SLC3A2: variants seen among roughly 807,000 people sequenced by gnomAD.
SLC3A2 encodes solute carrier family 3 member 2, also known as amino acid transporter heavy chain SLC3A2.
In SLC3A2, 32 loss-of-function variants were observed where a neutral mutation model predicts 48.5. The observed-to-expected ratio is 0.66, with a 90% CI of 0.50 to 0.89. The LOEUF (loss-of-function observed/expected upper bound fraction) is 0.89, where lower values mean the gene tolerates loss of function less well. Ranked by LOEUF, SLC3A2 falls within the 40% of genes least tolerant of loss-of-function variation. SLC3A2 has a pLI of 0.00. For synonymous variants in SLC3A2, 277 were observed against 288.8 expected, an observed-to-expected ratio of 0.96 and a Z score of 0.41; for missense variants, 587 against 680.7, an observed-to-expected ratio of 0.86 and a Z score of 1.53.
chr11:62,881,992 A>G lies in SLC3A2; in HGVS notation c.524A>G (p.Asp175Gly), dbSNP rs1329919503. The part of the protein sequence containing the change: ...KNQKDDVAQT[D>G]LLQIDPNFGS... ...CAGAAGGATGATGTCGCTCAGACTG[A>G]CTTGCTGCAGATCGACCCCAATTTT... The change falls in exon 2 of 9, where the codon GAC (aspartate) becomes GGC (glycine). Residue 175 changes from aspartate (D) to glycine (G), a missense_variant. By Grantham distance (94) the Asp-to-Gly change is moderately conservative. Around this residue, in one of 3 missense-constraint regions of SLC3A2, gnomAD observed 409 missense variants for 446.7 expected, o/e 0.92. Transcript: ENST00000338663. The surrounding 1 kb of genome is among the most constrained non-coding windows in gnomAD (Gnocchi z 4.0). 1 of 1,614,150 alleles carries G rather than the reference A, an allele frequency of 6.2e-7. No homozygotes were observed. The highest frequency in any genetic ancestry group is 1.3e-5 in the African/African-American group (1 of 75,022).
intron 1 of SLC3A2, among the ~76,000 whole-genome samples, chr11:62,866,506 G>T (rs1293392922): frequency 6.8e-6 from 1 of 147,194 alleles, no homozygotes; most frequent in East Asian, 2.0e-4. Context: ...AGCTACTCTC[G>T]TGCCTCAGCC....
At position 62,885,305 on chromosome 11, in the gene SLC3A2, C is replaced by A; in HGVS notation, c.947C>A (p.Ser316Tyr). 6.2e-7 allele frequency: 1 copy of A among 1,614,206 alleles called. No individual in the cohort carries two copies. Among genetic ancestry groups the A allele is most frequent in the Admixed American group, 1.7e-5 (1 of 60,020 alleles). Reference protein sequence around the residue: ...DSGSTGEHTKSLVTQYLNATG... With the variant: ...DSGSTGEHTKYLVTQYLNATG... The stretch of plus-strand genomic sequence containing the variant: ...GGTTCTACTGGGGAGCATACAAAAT[C>A]CCTAGTCACACAGTATTTGAATGCC... Residue 316 changes from serine (S) to tyrosine (Y), a missense_variant, in exon 6 of 9, where the codon TCC becomes TAC. Physicochemically the swap from Ser to Tyr is moderately radical, Grantham distance 144. Around this residue, in one of 3 missense-constraint regions of SLC3A2, gnomAD observed 409 missense variants for 446.7 expected, o/e 0.92. Coordinates refer to ENST00000338663, the MANE Select transcript of SLC3A2 (RefSeq NM_001013251.3).
Position 62,881,727 on chromosome 11 carries a change from C to T in SLC3A2, c.425-166C>T. On this transcript the variant is annotated intron_variant, in intron 1 of 8. Coordinates refer to ENST00000338663, the MANE Select transcript of SLC3A2 (RefSeq NM_001013251.3). The surrounding 1 kb of genome is among the most constrained non-coding windows in gnomAD (Gnocchi z 4.0). ...TGCAACCGGTTTCTGAAGTAATGTG[C>T]AGGACTCCTTACATCAGCTCCTCTG... 2.3e-6 allele frequency: 2 copies of T among 861,276 alleles called. No homozygotes were observed. Among genetic ancestry groups the T allele is most frequent in the Non-Finnish European group, 3.5e-6 (2 of 571,040 alleles). The allele number at this position is 861,276 out of a possible 1,614,324, so 53.4% of individuals were successfully genotyped here.
chr11:62,885,498 C>T lies in SLC3A2; in HGVS notation c.1033C>T (p.Pro345Ser). 2 of 1,614,184 alleles carry T rather than the reference C, an allele frequency of 1.2e-6. No individual in the cohort carries two copies. The highest frequency in any genetic ancestry group is 1.7e-6 in the Non-Finnish European group (2 of 1,180,034). ...SQARLLTSFL[P>S]AQLLRLYQLM... ...GGCAAGGCTCCTGACTTCCTTCTTG[C>T]CGGCTCAACTTCTCCGACTCTACCA... Residue 345 changes from proline (P) to serine (S), a missense_variant, in exon 7 of 9, where the codon CCG (proline) becomes TCG (serine). By Grantham distance (74) the Pro-to-Ser change is moderately conservative (BLOSUM62 -1). This residue lies in a region of SLC3A2 where 409 missense variants were observed against 446.7 expected (regional missense o/e 0.92). Transcript: ENST00000338663.
chr11:62,888,622 C>A lies in SLC3A2; in HGVS notation c.1519C>A (p.Pro507Thr). Reference protein sequence around the residue: ...STQPGREEGSPLELERLKLEP... With the variant: ...STQPGREEGSTLELERLKLEP... ...CCAGCCAGGCCGTGAGGAGGGCTCC[C>A]CTCTTGAGCTGGAACGCCTGAAACT... Residue 507 changes from proline to threonine, a missense_variant, in exon 9 of 9, where the codon CCT becomes ACT. Transcript: ENST00000338663. 1 of 1,609,932 alleles carries A rather than the reference C, an allele frequency of 6.2e-7. No individual in the cohort carries two copies. The highest frequency in any genetic ancestry group is 8.5e-7 in the Non-Finnish European group (1 of 1,179,982).
rs1205361573 is a variant in SLC3A2 at position 62,884,683 on chromosome 11, G to A, written c.811G>A (p.Glu271Lys). 2 of 1,603,246 alleles carry A rather than the reference G, an allele frequency of 1.2e-6. No homozygotes were observed. Among genetic ancestry groups the A allele is most frequent in the Non-Finnish European group, 8.5e-7 (1 of 1,173,032 alleles). Residue 271 changes from glutamate to lysine, a missense_variant, in exon 5 of 9, where the codon GAA becomes AAA. Glu to Lys is a moderately conservative substitution (Grantham distance 56). Coordinates refer to ENST00000338663, the MANE Select transcript of SLC3A2 (RefSeq NM_001013251.3). ...GCAAAATATCACCAAGGGCTTCAGT[G>A]AAGACAGGTGGGTGCAGGAGCCATT... is the stretch of plus-strand genomic sequence containing the variant. ...EWQNITKGFS[E>K]DRLLIAGTNS...
intron 3 of SLC3A2, 151 bp downstream of exon 3, chr11:62,883,150 A>C: frequency 1.5e-6 from 1 of 650,796 alleles, no homozygotes. Flanking sequence ...TAGCCAAAGG[A>C]TAGGCCAATA....
rs1590631844 is a variant in SLC3A2 at position 62,880,899 on chromosome 11, T to G, written c.-125T>G. 2 of 1,442,180 alleles carry G rather than the reference T, an allele frequency of 1.4e-6. No homozygotes were observed. The highest frequency in any genetic ancestry group is 2.8e-5 in the African/African-American group (2 of 70,404). The allele number at this position is 1,442,180 out of a possible 1,614,324, so 89.3% of individuals were successfully genotyped here. ...GAGGCCGCGCCTGCTGCTGAGCAGATGCAGTAGCCGAAACTGCGCGGAGGC... is the reference window on the plus strand; with the variant it reads ...GAGGCCGCGCCTGCTGCTGAGCAGAGGCAGTAGCCGAAACTGCGCGGAGGC... On this transcript the variant is annotated 5_prime_UTR_variant, in exon 1 of 9. An upstream start codon of the reference 5' UTR is lost. Transcript: ENST00000338663.
chr11:62,858,647 C>G (rs1292975490), intron 1 of SLC3A2, among the ~76,000 whole-genome samples: 1 of 152,106 alleles, frequency 6.6e-6, no homozygotes, highest in Non-Finnish European at 1.5e-5. Context: ...CAGCGTTCAG[C>G]ATATGGAGGA....
chr11:62,856,231 T>G, exon 1 of SLC3A2: 1 of 1,544,932 alleles, frequency 6.5e-7, no homozygotes, highest in Non-Finnish European at 8.9e-7. Context: ...AGCTGCCCCT[T>G]GCCCACACAC....
intron 1 of SLC3A2, among the ~76,000 whole-genome samples, chr11:62,867,602 G>T (rs1199778368): frequency 6.6e-6 from 1 of 151,926 alleles, no homozygotes; most frequent in African/African-American, 2.4e-5. Context: ...GGGATTACAG[G>T]CGTGAGCCAC....
At chr11:62,860,539 T>C (rs970188652) in intron 1 of SLC3A2, among the ~76,000 whole-genome samples, 23 of 152,102 alleles carry the variant, frequency 1.5e-4, no homozygotes, top group South Asian at 2.1e-4. Flanking sequence ...GTAAATAGAA[T>C]GTACAATCGG....
rs1390641565 is a variant in SLC3A2, at chr11:62,881,408, C to T, written c.385C>T (p.Leu129Phe). Reference protein sequence around the residue: ...HTGALYRIGDLQAFQGHGAGN... With the variant: ...HTGALYRIGDFQAFQGHGAGN... ...GGGCGCCCTCTACCGCATCGGCGAC[C>T]TTCAGGCCTTCCAGGGCCACGGCGC... Residue 129 changes from leucine to phenylalanine, a missense_variant, in exon 1 of 9, where the codon CTT (leucine) becomes TTT (phenylalanine). By Grantham distance (22) the Leu-to-Phe change is conservative. This residue lies in a region of SLC3A2 where 409 missense variants were observed against 446.7 expected (regional missense o/e 0.92). Coordinates refer to ENST00000338663, the MANE Select transcript of SLC3A2 (RefSeq NM_001013251.3). The surrounding 1 kb of genome is among the most constrained non-coding windows in gnomAD (Gnocchi z 4.0). 1.9e-6 allele frequency: 3 copies of T among 1,593,694 alleles called. No individual in the cohort carries two copies. The highest frequency in any genetic ancestry group is 4.5e-5 in the East Asian group (2 of 44,544).
At chr11:62,882,780 C>A in intron 2 of SLC3A2, 128 bp from the exon 3 acceptor site, 1 of 788,684 alleles carries the variant, frequency 1.3e-6, no homozygotes, top group South Asian at 1.5e-5. Context: ...GAATTTTGCC[C>A]GGGTTCAAAT....
At position 62,882,899 on chromosome 11, in the gene SLC3A2, T is replaced by C. The variant is rs956428607; in HGVS notation, c.599-9T>C. On this transcript the variant is annotated splice_polypyrimidine_tract_variant and intron_variant, in intron 2 of 8. Transcript: ENST00000338663. ...TGTCTCATGATTGCGTCTTCCTCCG[T>C]TGTTTTAGGCATCCGTGTCATTCTG... 1.2e-6 allele frequency: 2 copies of C among 1,611,122 alleles called. No homozygotes were observed. The highest frequency in any genetic ancestry group is 1.3e-5 in the African/African-American group (1 of 74,854).
intron 1 of SLC3A2, among the ~76,000 whole-genome samples, chr11:62,865,138 G>A (rs929706149): frequency 3.3e-5 from 5 of 152,146 alleles, no homozygotes; most frequent in African/African-American, 7.2e-5. Context: ...CCAGTGTACC[G>A]TTATCTGAGT....
At chr11:62,884,019 G>A in intron 3 of SLC3A2, 1 of 457,806 alleles carries the variant, frequency 2.2e-6, no homozygotes, top group Non-Finnish European at 4.4e-6. Context: ...GGGGGATCTT[G>A]ACTGACATTT....
chr11:62,869,122 C>T (rs1026952405), intron 1 of SLC3A2, among the ~76,000 whole-genome samples: 2 of 151,694 alleles, frequency 1.3e-5, no homozygotes, highest in Non-Finnish European at 2.9e-5. Context: ...TGGTCTTGAA[C>T]TCCTGACCTC....
rs897013786 is a variant in SLC3A2 at position 62,881,746 on chromosome 11, T to C, written c.425-147T>C. ...AATGTGCAGGACTCCTTACATCAGCTCCTCTGAGTCTCGTGATTCAGCCTT... is the reference window on the plus strand; with the variant it reads ...AATGTGCAGGACTCCTTACATCAGCCCCTCTGAGTCTCGTGATTCAGCCTT... On this transcript the variant is annotated intron_variant, in intron 1 of 8. Coordinates refer to ENST00000338663, the MANE Select transcript of SLC3A2 (RefSeq NM_001013251.3). The surrounding 1 kb of genome is among the most constrained non-coding windows in gnomAD (Gnocchi z 4.0). 2.1e-6 allele frequency: 2 copies of C among 931,290 alleles called. No homozygotes were observed. The highest frequency in any genetic ancestry group is 3.2e-6 in the Non-Finnish European group (2 of 625,518). 57.7% of individuals were successfully genotyped at this position (931,290 alleles called of 1,614,324 possible).
Sources: gnomAD v4.1 joint callset for allele counts (sites outside exome capture counted in the v4.1 genomes callset) on GRCh38, gnomAD v4.1.1 for gene constraint, gnomAD v4.1.1 regional missense constraint, Gnocchi (gnomAD v3.1) non-coding constraint, MANE v1.5 for transcripts, NCBI Gene and HGNC (gene_info 2026-07-23, HGNC 2026-07-21) for gene names.